Variants in HMGCLL1 observed in about 807,000 individuals in gnomAD.
HMGCLL1 encodes 3-hydroxymethyl-3-methylglutaryl-CoA lyase, cytoplasmic.
A neutral mutation model predicts 39.1 loss-of-function variants in HMGCLL1; 36 were observed. The observed-to-expected ratio is 0.92, with a 90% CI of 0.71 to 1.22. The LOEUF (loss-of-function observed/expected upper bound fraction) is 1.22, where lower values mean the gene tolerates loss of function less well. Among genes scored for constraint, HMGCLL1 ranks in the 50% most tolerant of loss-of-function variants. The probability of loss-of-function intolerance (pLI) is 0.00; values close to 1 mark genes in which losing one functional copy is unlikely to be tolerated. For synonymous variants in HMGCLL1, 149 were observed against 144.0 expected (o/e 1.03, Z -0.25); for missense variants, 451 against 416.5 (o/e 1.08, Z -0.72).
At chr6:55,507,503 T>G (rs1485613252) in intron 5 of HMGCLL1, among the ~76,000 whole-genome samples, 1 of 151,476 alleles carries the variant, frequency 6.6e-6, no homozygotes, top group Non-Finnish European at 1.5e-5. Context: ...CATGTTCCAT[T>G]TATGATGACT....
Position 55,513,982 on chromosome 6 carries a change from A to T in HMGCLL1, c.542+66T>A, listed in dbSNP as rs1052523047. The T allele has an allele frequency of 3.3e-5, 45 of 1,352,478 alleles. No individual in the cohort carries two copies. The Admixed American group carries it at 9.4e-4, about 28-fold the overall frequency. 83.8% of individuals were successfully genotyped at this position (1,352,478 alleles called of 1,614,324 possible). The stretch of plus-strand genomic sequence containing the variant: ...TTATAAATGATATAAGAATCTCTAG[A>T]TAATTTTTGAGTAAGCTTTAACAAT... On this transcript the variant is annotated intron_variant, in intron 5 of 8. Transcript: ENST00000274901.
chr6:55,508,571 T>C (rs1166238489), intron 5 of HMGCLL1, among the ~76,000 whole-genome samples: 1 of 151,834 alleles, frequency 6.6e-6, no homozygotes, highest in African/African-American at 2.4e-5. Context: ...GAATTCATAG[T>C]AAAGTTAATC....
In HMGCLL1 at chr6:55,475,067, T is replaced by C. The variant is rs965439601; in HGVS notation, c.795+20352A>G. On this transcript the variant is annotated intron_variant, in intron 7 of 8. Coordinates refer to ENST00000274901, the MANE Select transcript of HMGCLL1 (RefSeq NM_001042406.2). ...GCCTGTGGGTTTTAAATGTTGACCT[T>C]CCCAAGTGTTTCTCCAGTGGTATCA... Among the ~76,000 whole-genome samples the C allele has an allele frequency of 6.6e-5, 10 of 151,514 alleles. 1 individual carries two copies. The highest frequency in any genetic ancestry group is 2.1e-4 in the South Asian group (1 of 4,824).
chr6:55,530,052 CCTGGAGGAT>C, intron 3 of HMGCLL1, among the ~76,000 whole-genome samples: 2 of 123,246 alleles, frequency 1.6e-5, no homozygotes, highest in Admixed American at 1.9e-4. Context: ...AAACCTGAAA[CCTGGAGGAT>C]CTGGTGGGGG....
intron 1 of HMGCLL1, among the ~76,000 whole-genome samples, chr6:55,542,679 T>G (rs1047348270): frequency 2.6e-4 from 40 of 151,238 alleles, no homozygotes; most frequent in African/African-American, 9.5e-4. Context: ...TTTGGGAGGC[T>G]GAGGTAGGAG....
chr6:55,583,812 G>T (rs4715555), upstream of HMGCLL1, among the ~76,000 whole-genome samples: 1 of 151,926 alleles, frequency 6.6e-6, no homozygotes, highest in Non-Finnish European at 1.5e-5. Flanking sequence ...TGGTGGTGCT[G>T]AGATTTGTTT....
upstream of HMGCLL1, among the ~76,000 whole-genome samples, chr6:55,583,694 C>T (rs1289664672): frequency 6.6e-6 from 1 of 151,982 alleles, no homozygotes; most frequent in Non-Finnish European, 1.5e-5. Flanking sequence ...GATTTATAGT[C>T]CTTTGGGAAG....
intron 1 of HMGCLL1, among the ~76,000 whole-genome samples, chr6:55,552,238 C>A (rs1677103565): frequency 6.6e-6 from 1 of 151,950 alleles, no homozygotes; most frequent in South Asian, 2.1e-4. Flanking sequence ...ATACATGTAG[C>A]ATAGAGATTT....
chr6:55,572,176 T>C (rs113375674), intron 1 of HMGCLL1, among the ~76,000 whole-genome samples: 1,678 of 151,836 alleles, frequency 0.011, 34 homozygotes, highest in African/African-American at 0.038. Flanking sequence ...GGAAGACTTA[T>C]AGAGAGAGAA....
chr6:55,507,585 T>C (rs1767235417), intron 5 of HMGCLL1, among the ~76,000 whole-genome samples: 1 of 151,844 alleles, frequency 6.6e-6, no homozygotes, highest in South Asian at 2.1e-4. Context: ...ATGTACAAAA[T>C]ATTATTTTAT....
At chr6:55,659,526 G>A in the HMGCLL1 span, among the ~76,000 whole-genome samples, 1 of 151,884 alleles carries the variant, frequency 6.6e-6, no homozygotes, top group African/African-American at 2.4e-5. Flanking sequence ...TAGTTGTCAT[G>A]CAACTGAAGG....
intron 3 of HMGCLL1, among the ~76,000 whole-genome samples, chr6:55,528,491 C>A (rs1768449224): frequency 6.6e-6 from 1 of 152,110 alleles, no homozygotes; most frequent in Non-Finnish European, 1.5e-5. Context: ...GTAACCCTGT[C>A]TCATTCACAG....
intron 1 of HMGCLL1, among the ~76,000 whole-genome samples, chr6:55,545,784 C>G (rs146491903): frequency 6.6e-6 from 1 of 151,998 alleles, no homozygotes; most frequent in Non-Finnish European, 1.5e-5. Context: ...TTGTGCATAT[C>G]TAAGCTCATT....
chr6:55,501,731 G>C (rs1766903281), intron 5 of HMGCLL1, among the ~76,000 whole-genome samples: 1 of 151,922 alleles, frequency 6.6e-6, no homozygotes, highest in East Asian at 1.9e-4. Flanking sequence ...CAACCACCAA[G>C]ATATTATTTT....
rs114750209 is a variant in HMGCLL1 at position 55,469,519 on chromosome 6, G to A, written c.795+25900C>T. ...TGAAGTTAGTTATCTTGATTTCCTT[G>A]ATTATATGTAATAAAATGGAAAGGA... is the stretch of plus-strand genomic sequence containing the variant. On this transcript the variant is annotated intron_variant, in intron 7 of 8. Transcript: ENST00000274901. Among the ~76,000 whole-genome samples, 376 of 149,950 alleles carry A rather than the reference G, an allele frequency of 2.5e-3. 2 individuals carry two copies. Among genetic ancestry groups the A allele is most frequent in the African/African-American group, 8.5e-3 (349 of 40,984 alleles).
At chr6:55,459,418 G>T (rs576553781) in intron 7 of HMGCLL1, among the ~76,000 whole-genome samples, 1 of 152,056 alleles carries the variant, frequency 6.6e-6, no homozygotes, top group Admixed American at 6.6e-5. Flanking sequence ...TTTGAACTTG[G>T]CCTTGAAAAG....
intron 7 of HMGCLL1, among the ~76,000 whole-genome samples, chr6:55,475,712 TGTC>T (rs1317472901): frequency 1.3e-5 from 2 of 151,686 alleles, no homozygotes; most frequent in Non-Finnish European, 3.0e-5. Flanking sequence ...TGTTATGTAA[TGTC>T]TCTCTCTAGG....
intron 7 of HMGCLL1, among the ~76,000 whole-genome samples, chr6:55,467,071 TA>T (rs1319452744): frequency 6.6e-6 from 1 of 152,108 alleles, no homozygotes; most frequent in African/African-American, 2.4e-5. Flanking sequence ...ACACTGTTTC[TA>T]ACCTCCGTGG....
At chr6:55,522,399 G>A (rs945406959) in intron 3 of HMGCLL1, among the ~76,000 whole-genome samples, 1 of 151,984 alleles carries the variant, frequency 6.6e-6, no homozygotes. Flanking sequence ...CAAAATGACA[G>A]TTAGAGAAAA....
Sources: allele counts gnomAD v4.1 joint callset (sites outside exome capture counted in the v4.1 genomes callset), GRCh38; gene constraint gnomAD v4.1.1; transcripts MANE v1.5; gene names NCBI Gene and HGNC (gene_info 2026-07-23, HGNC 2026-07-21).